RAB20: variants seen among roughly 807,000 people sequenced by gnomAD.
The protein encoded by RAB20 is ras-related protein Rab-20.
Under a neutral mutation model 3.7 loss-of-function variants are expected in RAB20, and 2 were observed. The ratio of observed to expected loss-of-function variants is 0.54; its 90% confidence interval spans 0.22 to 1.69. RAB20 has a LOEUF of 1.69. RAB20 is among the 40% of genes most tolerant of loss of function. The pLI, the probability that RAB20 is intolerant of heterozygous loss-of-function variation, is 0.19. For synonymous variants in RAB20, 126 were observed against 130.8 expected (o/e 0.96, Z 0.25); for missense variants, 276 against 311.9 (o/e 0.88, Z 0.87).
At position 110,550,079 on chromosome 13, in the gene RAB20, G is replaced by A. The variant is rs1369401445; in HGVS notation, c.172+11269C>T. 1.4e-4 allele frequency among the ~76,000 whole-genome samples: 21 copies of A among 152,196 alleles called. No individual in the cohort carries two copies. The East Asian group carries it at 3.9e-3, about 28-fold the overall frequency. On this transcript the variant is annotated intron_variant, in intron 1 of 1. Coordinates refer to ENST00000267328, the MANE Select transcript of RAB20 (RefSeq NM_017817.3). The stretch of plus-strand genomic sequence containing the variant: ...GCCTCAACCACAGACAACCAATGAA[G>A]TCTCCATAAGAAGCCCAGAAAACAG...
intron 1 of RAB20, among the ~76,000 whole-genome samples, chr13:110,551,239 G>C (rs995253220): frequency 2.6e-5 from 4 of 152,166 alleles, no homozygotes; most frequent in African/African-American, 9.7e-5. Context: ...ATGTACTATG[G>C]GGTGCAAGGT....
In RAB20 at chr13:110,538,731, T is replaced by C. The variant is rs141643056; in HGVS notation, c.173-14534A>G. On this transcript the variant is annotated intron_variant, in intron 1 of 1. Coordinates refer to ENST00000267328, the MANE Select transcript of RAB20 (RefSeq NM_017817.3). ...ATCCACTCCCAGAAAACCAGCTCCC[T>C]GGGGACGGCTGTTTCCTCCCAGCAA... Among the ~76,000 whole-genome samples the C allele has an allele frequency of 6.9e-3, 1,047 of 152,114 alleles. 7 individuals carry two copies. Among genetic ancestry groups the C allele is most frequent in the Non-Finnish European group, 0.012 (804 of 67,990 alleles).
chr13:110,560,484 A>G (rs1885111526), intron 1 of RAB20, among the ~76,000 whole-genome samples: 1 of 152,228 alleles, frequency 6.6e-6, no homozygotes, highest in African/African-American at 2.4e-5. Flanking sequence ...AGATGCTAAC[A>G]TAAAAGAAGT....
rs993661511 is a variant in RAB20 at position 110,536,093 on chromosome 13, G to A, written c.173-11896C>T. On this transcript the variant is annotated intron_variant, in intron 1 of 1. Transcript: ENST00000267328. ...CACCCGGAGACACAGGGGCAAAGACGATGTGAAGGCAGACCCCCGGGGAGG... is the reference window on the plus strand; with the variant it reads ...CACCCGGAGACACAGGGGCAAAGACAATGTGAAGGCAGACCCCCGGGGAGG... Among the ~76,000 whole-genome samples, 10 of 152,260 alleles carry A rather than the reference G, an allele frequency of 6.6e-5. No individual in the cohort carries two copies. The South Asian group carries it at 8.3e-4, about 13-fold the overall frequency.
intron 1 of RAB20, among the ~76,000 whole-genome samples, chr13:110,534,955 T>A (rs1036252367): frequency 6.6e-6 from 1 of 152,080 alleles, no homozygotes; most frequent in African/African-American, 2.4e-5. Context: ...CACCTCAGCC[T>A]CCCAAGCAGG....
chr13:110,528,094 C>T (rs1007079795), intron 1 of RAB20, among the ~76,000 whole-genome samples: 2 of 151,590 alleles, frequency 1.3e-5, no homozygotes, highest in African/African-American at 4.9e-5. Context: ...CAGTGAGACC[C>T]CATATCTAAA....
At chr13:110,525,101 G>A (rs1489307933) in intron 1 of RAB20, among the ~76,000 whole-genome samples, 28 of 152,226 alleles carry the variant, frequency 1.8e-4, no homozygotes, top group Admixed American at 1.8e-3. Flanking sequence ...CCCCTGCAGT[G>A]CCTGGAGTGT....
chr13:110,558,091 AG>A (rs1885069502), intron 1 of RAB20, among the ~76,000 whole-genome samples: 1 of 152,258 alleles, frequency 6.6e-6, no homozygotes, highest in African/African-American at 2.4e-5. Flanking sequence ...GGGGAGCCTC[AG>A]TTTATATTTG....
chr13:110,527,829 C>T (rs1348913960), intron 1 of RAB20, among the ~76,000 whole-genome samples: 1 of 151,726 alleles, frequency 6.6e-6, no homozygotes, highest in Non-Finnish European at 1.5e-5. Flanking sequence ...CAGGCTAGGG[C>T]AGGAGGATTG....
intron 1 of RAB20, among the ~76,000 whole-genome samples, chr13:110,552,324 A>G (rs1884966092): frequency 6.6e-6 from 1 of 150,956 alleles, no homozygotes; most frequent in Non-Finnish European, 1.5e-5. Context: ...GGTTGCAGTG[A>G]GCCGAGATCG....
chr13:110,540,821 G>T (rs1356954860), intron 1 of RAB20, among the ~76,000 whole-genome samples: 1 of 151,864 alleles, frequency 6.6e-6, no homozygotes, highest in African/African-American at 2.4e-5. Context: ...ATTATATATG[G>T]AATATATACG....
chr13:110,535,582 C>T (rs901259546), intron 1 of RAB20, among the ~76,000 whole-genome samples: 1 of 152,248 alleles, frequency 6.6e-6, no homozygotes, highest in Admixed American at 6.5e-5. Context: ...CCCTAGATTC[C>T]ACCTCTCCTC....
chr13:110,527,975 T>C (rs1452443749), intron 1 of RAB20, among the ~76,000 whole-genome samples: 1 of 150,594 alleles, frequency 6.6e-6, no homozygotes, highest in African/African-American at 2.4e-5. Flanking sequence ...TGGTGACGCA[T>C]GCCTGTAGTC....
intron 1 of RAB20, among the ~76,000 whole-genome samples, chr13:110,541,931 C>T (rs1359030427): frequency 6.6e-6 from 1 of 152,130 alleles, no homozygotes; most frequent in Non-Finnish European, 1.5e-5. Context: ...TTTCACACAT[C>T]TGGAATCAGA....
chr13:110,529,735 G>T (rs1884496697), intron 1 of RAB20, among the ~76,000 whole-genome samples: 1 of 152,198 alleles, frequency 6.6e-6, no homozygotes, highest in South Asian at 2.1e-4. Context: ...GTTCAAGCCT[G>T]AGGAAGGAGC....
chr13:110,534,205 T>C (rs1884600069), intron 1 of RAB20, among the ~76,000 whole-genome samples: 1 of 152,154 alleles, frequency 6.6e-6, no homozygotes, highest in Admixed American at 6.5e-5. Flanking sequence ...AAGACTGAGC[T>C]CTTCCAGACA....
At chr13:110,546,867 A>C (rs1330103434) in intron 1 of RAB20, among the ~76,000 whole-genome samples, 1 of 151,998 alleles carries the variant, frequency 6.6e-6, no homozygotes, top group Non-Finnish European at 1.5e-5. Flanking sequence ...CCTCCCCAGT[A>C]GCTGAACCTA....
intron 1 of RAB20, among the ~76,000 whole-genome samples, chr13:110,550,020 G>C (rs533233782): frequency 1.3e-5 from 2 of 152,144 alleles, no homozygotes; most frequent in Non-Finnish European, 2.9e-5. Context: ...CACCACACCC[G>C]GCCTTTCCAA....
intron 1 of RAB20, among the ~76,000 whole-genome samples, chr13:110,536,831 C>A (rs1340514434): frequency 1.3e-5 from 2 of 148,154 alleles, no homozygotes; most frequent in African/African-American, 5.0e-5. Flanking sequence ...GCACAACGTG[C>A]AGGTTTGCTA....
Sources: allele counts gnomAD v4.1 joint callset (sites outside exome capture counted in the v4.1 genomes callset), GRCh38; gene constraint gnomAD v4.1.1; transcripts MANE v1.5; gene names NCBI Gene and HGNC (gene_info 2026-07-23, HGNC 2026-07-21).